The following DUS4L variants were observed in gnomAD, a reference collection of about 807,000 sequenced individuals.
DUS4L encodes tRNA-dihydrouridine(20a/20b) synthase [NAD(P)+]-like.
A neutral mutation model predicts 33.8 loss-of-function variants in DUS4L; 31 were observed. The ratio of observed to expected loss-of-function variants is 0.92; its 90% CI spans 0.69 to 1.24. The LOEUF (loss-of-function observed/expected upper bound fraction) is 1.24, where lower values mean the gene tolerates loss of function less well. DUS4L is among the 50% of genes most tolerant of loss of function. DUS4L has a pLI of 0.00. For synonymous variants in DUS4L, 103 were observed against 120.3 expected (o/e 0.86, Z 0.94); for missense variants, 368 against 388.6 (o/e 0.95, Z 0.45).
rs144438000 is a variant in DUS4L at position 107,578,032 on chromosome 7, T to G, written c.*472T>G. On this transcript the variant is annotated 3_prime_UTR_variant, in exon 8 of 8. Coordinates refer to ENST00000265720, the MANE Select transcript of DUS4L (RefSeq NM_181581.3). ...ATGAAAAAGAACAGGAAATTCTGAATAGAATTGCACTCAGAACTTATATTA... is the reference window on the plus strand; with the variant it reads ...ATGAAAAAGAACAGGAAATTCTGAAGAGAATTGCACTCAGAACTTATATTA... 2.0e-5 allele frequency: 3 copies of G among 152,790 alleles called. No individual in the cohort carries two copies. The highest frequency in any genetic ancestry group is 7.2e-5 in the African/African-American group (3 of 41,464). The allele number at this position is 152,790 out of a possible 1,614,324, so 9.5% of individuals were successfully genotyped here.
chr7:107,567,021 T>C, intron 2 of DUS4L, 29 bp from the exon 3 acceptor site: 1 of 1,438,428 alleles, frequency 7.0e-7, no homozygotes, highest in Non-Finnish European at 9.5e-7. Context: ...AAACATATTT[T>C]CTCTATACAA....
chr7:107,564,760 T>A (rs1205695431), intron 2 of DUS4L, 84 bp downstream of exon 2: 2 of 152,166 alleles, frequency 1.3e-5, no homozygotes, highest in Non-Finnish European at 2.9e-5. Flanking sequence ...ACTGATAAAT[T>A]AACAGGGTCA....
chr7:107,571,185 CTG>C lies in DUS4L; in HGVS notation c.161_162del (p.Cys54LeufsTer9). On this transcript the variant is annotated frameshift_variant, in exon 4 of 8. Coordinates refer to ENST00000265720, the MANE Select transcript of DUS4L (RefSeq NM_181581.3). LOFTEE classifies it high-confidence loss of function. ...RTLVRKYSCD[L>X]CYTPMIVAAD... ...ACTAGTAAGAAAATATAGTTGTGAT[CTG>C]TGTTACACACCAATGATTGTTGCCG... The C allele has an allele frequency of 6.2e-7, 1 of 1,612,636 alleles. No individual in the cohort carries two copies. The highest frequency in any genetic ancestry group is 8.5e-7 in the Non-Finnish European group (1 of 1,179,656).
chr7:107,573,793 A>G lies in DUS4L; in HGVS notation c.328A>G (p.Ile110Val), dbSNP rs1584997540. The change falls in exon 5 of 8, where the codon ATA becomes GTA. Residue 110 changes from isoleucine (I) to valine (V), a missense_variant. Coordinates refer to ENST00000265720, the MANE Select transcript of DUS4L (RefSeq NM_181581.3). The part of the protein sequence containing the change: ...ARIVCPYANG[I>V]DINCGCPQRW... The stretch of plus-strand genomic sequence containing the variant: ...TATAGTCTGTCCTTATGCGAATGGA[A>G]TAGACATTAACTGTGGTTGCCCTCA... 1.9e-6 allele frequency: 3 copies of G among 1,585,976 alleles called. No homozygotes were observed. The highest frequency in any genetic ancestry group is 2.3e-5 in the East Asian group (1 of 43,122).
intron 6 of DUS4L, 145 bp from the exon 7 acceptor site, chr7:107,576,221 G>A: frequency 1.2e-6 from 1 of 807,908 alleles, no homozygotes; most frequent in Non-Finnish European, 1.9e-6. Flanking sequence ...GCTCCCTGAA[G>A]AAAACCTTGC....
intron 5 of DUS4L, 146 bp downstream of exon 5, chr7:107,573,967 T>G (rs1032323704): frequency 9.8e-6 from 11 of 1,121,344 alleles, no homozygotes; most frequent in Non-Finnish European, 1.3e-5. Flanking sequence ...GAAGAAAATA[T>G]AGGGAAATGT....
intron 3 of DUS4L, 144 bp downstream of exon 3, chr7:107,567,330 C>CT (rs1214624073): frequency 7.6e-6 from 5 of 654,108 alleles, no homozygotes; most frequent in Non-Finnish European, 7.9e-6. Context: ...AGTCATGATG[C>CT]TACTACTTGC....
At position 107,564,081 on chromosome 7, in the gene DUS4L, A is replaced by G; in HGVS notation, c.-239A>G. 3 of 1,353,582 alleles carry G rather than the reference A, an allele frequency of 2.2e-6. No individual in the cohort carries two copies. Among genetic ancestry groups the G allele is most frequent in the African/African-American group, 2.9e-5 (2 of 68,702 alleles). 83.8% of individuals were successfully genotyped at this position (1,353,582 alleles called of 1,614,324 possible). A position where few individuals can be genotyped will look rare whatever the true frequency, so the allele number is the denominator to read the frequency against. On this transcript the variant is annotated 5_prime_UTR_variant, in exon 1 of 8. Transcript: ENST00000265720. ...GCAGGTACTCGAGCAGTGGGCGCCC[A>G]GGGTCCGAGTGCTCTGCGCCCAGCG...
At chr7:107,568,351 T>C (rs1014699412) in intron 3 of DUS4L, among the ~76,000 whole-genome samples, 1 of 152,252 alleles carries the variant, frequency 6.6e-6, no homozygotes, top group African/African-American at 2.4e-5. Flanking sequence ...ACACTTGTTA[T>C]GTTCTGGGAG....
At chr7:107,576,831 C>A in intron 7 of DUS4L, 1 of 407,206 alleles carries the variant, frequency 2.5e-6, no homozygotes, top group South Asian at 4.9e-5. Flanking sequence ...ATCTAGTGAC[C>A]AGTGAAGAAT....
intron 3 of DUS4L, chr7:107,567,671 G>T: frequency 9.4e-6 from 3 of 317,780 alleles, no homozygotes; most frequent in African/African-American, 4.5e-5. Context: ...TTTACCTCTC[G>T]ATCATTTTTA....
At chr7:107,564,339 A>G in intron 1 of DUS4L, 130 bp downstream of exon 1, 1 of 358,900 alleles carries the variant, frequency 2.8e-6, no homozygotes, top group East Asian at 6.0e-5. Context: ...CTCCACACTC[A>G]CAAGAGTCAC....
intron 7 of DUS4L, 42 bp from the exon 8 acceptor site, chr7:107,577,271 G>T (rs1239297923): frequency 6.2e-7 from 1 of 1,604,776 alleles, no homozygotes; most frequent in East Asian, 2.2e-5. Context: ...ATAACCAGGG[G>T]TTCTTAATGT....
At position 107,577,815 on chromosome 7, in the gene DUS4L, A is replaced by T. The variant is rs2129199489; in HGVS notation, c.*255A>T. On this transcript the variant is annotated 3_prime_UTR_variant, in exon 8 of 8. Coordinates refer to ENST00000265720, the MANE Select transcript of DUS4L (RefSeq NM_181581.3). ...TCCTGATCATCCTAGGCAAACATTG[A>T]CAAATACTGCTCTGAATCCTGTTCT... 3.0e-6 allele frequency: 1 copy of T among 330,490 alleles called. No homozygotes were observed. The highest frequency in any genetic ancestry group is 5.5e-5 in the South Asian group (1 of 18,076). The allele number at this position is 330,490 out of a possible 1,614,324, so 20.5% of individuals were successfully genotyped here. A position where few individuals can be genotyped will look rare whatever the true frequency, so the allele number is the denominator to read the frequency against.
At chr7:107,572,491 C>T (rs973840293) in intron 4 of DUS4L, among the ~76,000 whole-genome samples, 19 of 152,124 alleles carry the variant, frequency 1.2e-4, no homozygotes, top group Non-Finnish European at 7.3e-5. Context: ...ATAACACTGA[C>T]CCAAGGATAC....
intron 4 of DUS4L, among the ~76,000 whole-genome samples, chr7:107,572,712 T>G (rs544941204): frequency 1.1e-4 from 17 of 152,126 alleles, no homozygotes; most frequent in South Asian, 4.1e-4. Flanking sequence ...TGGCTGGCCA[T>G]GGTGGCAGGT....
intron 5 of DUS4L, 48 bp downstream of exon 5, chr7:107,573,869 A>G: frequency 6.9e-7 from 1 of 1,445,274 alleles, no homozygotes; most frequent in Non-Finnish European, 9.2e-7. Context: ...GTAGAAAAAA[A>G]ACTGTGTGAA....
At chr7:107,565,446 T>G (rs1248396452) in intron 2 of DUS4L, among the ~76,000 whole-genome samples, 1 of 152,188 alleles carries the variant, frequency 6.6e-6, no homozygotes, top group East Asian at 1.9e-4. Context: ...ATTTAATTGG[T>G]CTAGGGTATG....
rs564488156 is a variant in DUS4L, at chr7:107,577,629, G to A, written c.*69G>A. ...GTGAAACCACAGAAGGTCATATTTT[G>A]TACCTTAAACCAGTAGCTCTCAAAT... is the stretch of plus-strand genomic sequence containing the variant. On this transcript the variant is annotated 3_prime_UTR_variant, in exon 8 of 8. Transcript: ENST00000265720. The A allele has an allele frequency of 2.0e-6, 3 of 1,506,822 alleles. No homozygotes were observed. The highest frequency in any genetic ancestry group is 2.7e-6 in the Non-Finnish European group (3 of 1,120,962). The allele number at this position is 1,506,822 out of a possible 1,614,324, so 93.3% of individuals were successfully genotyped here. A position where few individuals can be genotyped will look rare whatever the true frequency, so the allele number is the denominator to read the frequency against.
Sources: gnomAD v4.1 joint callset for allele counts (sites outside exome capture counted in the v4.1 genomes callset) on GRCh38, gnomAD v4.1.1 for gene constraint, MANE v1.5 for transcripts, NCBI Gene and HGNC (gene_info 2026-07-23, HGNC 2026-07-21) for gene names.